SCN8A: variants seen among roughly 807,000 people sequenced by gnomAD.
SCN8A encodes the protein sodium channel protein type 8 subunit alpha.
Under a neutral mutation model 184.1 loss-of-function variants are expected in SCN8A, and 30 were observed. The ratio of observed to expected loss-of-function variants is 0.16; its 90% CI spans 0.12 to 0.22. The LOEUF is 0.22. Among genes scored for constraint, SCN8A ranks in the 10% least tolerant of loss-of-function variants. SCN8A has a pLI of 1.00. For synonymous variants in SCN8A, 852 were observed against 907.0 expected (o/e 0.94, Z 1.09); for missense variants, 1,057 against 2,498.9 (o/e 0.42, Z 12.30).
At chr12:51,655,157 C>A (rs991167949) in intron 1 of SCN8A, among the ~76,000 whole-genome samples, 1 of 152,138 alleles carries the variant, frequency 6.6e-6, no homozygotes, top group Admixed American at 6.5e-5. Context: ...GCTCAGCCCC[C>A]CATAGTGCTG....
intron 1 of SCN8A, among the ~76,000 whole-genome samples, chr12:51,647,109 T>C (rs1940608093): frequency 2.0e-5 from 3 of 152,136 alleles, no homozygotes; most frequent in Admixed American, 2.0e-4. Context: ...CTTGGGAGGC[T>C]GAGGCAGGAG....
intron 26 of SCN8A, among the ~76,000 whole-genome samples, chr12:51,802,476 C>A (rs1488831852): frequency 1.3e-5 from 2 of 152,160 alleles, no homozygotes; most frequent in Non-Finnish European, 2.9e-5. Flanking sequence ...CAATAGATAC[C>A]TAGGGAGGCT....
intron 12 of SCN8A, among the ~76,000 whole-genome samples, chr12:51,723,349 G>A (rs1942099743): frequency 1.3e-5 from 2 of 152,144 alleles, no homozygotes; most frequent in South Asian, 4.1e-4. Context: ...CATTAGCCAG[G>A]CATGGTGGCA....
intron 1 of SCN8A, among the ~76,000 whole-genome samples, chr12:51,593,207 G>C (rs1939269948): frequency 1.3e-5 from 2 of 152,262 alleles, no homozygotes; most frequent in East Asian, 1.9e-4. Flanking sequence ...GTGATCCTTT[G>C]GTGTTCAGCA....
rs1938843276 is a variant in SCN8A at position 51,810,159 on chromosome 12, G to A, written c.*2730G>A. On this transcript the variant is annotated 3_prime_UTR_variant, in exon 27 of 27. Transcript: ENST00000627620. ...GCTCCTGACCCCAGCCCAGCAGGCT[G>A]TCTCCTCAGTAACACATGGGCCTTG... 9.7e-6 allele frequency: 2 copies of A among 206,494 alleles called. No individual in the cohort carries two copies. Among genetic ancestry groups the A allele is most frequent in the South Asian group, 1.2e-4 (2 of 16,740 alleles). The allele number at this position is 206,494 out of a possible 1,614,324, so 12.8% of individuals were successfully genotyped here.
At chr12:51,729,824 A>G (rs1942212603) in intron 12 of SCN8A, among the ~76,000 whole-genome samples, 1 of 152,098 alleles carries the variant, frequency 6.6e-6, no homozygotes, top group Non-Finnish European at 1.5e-5. Context: ...TCCTAGCCAA[A>G]CTTGCTGTTG....
chr12:51,636,238 C>T lies in SCN8A; in HGVS notation c.-54-26526C>T, dbSNP rs191875355. 5.9e-5 allele frequency among the ~76,000 whole-genome samples: 9 copies of T among 152,246 alleles called. No individual in the cohort carries two copies. The South Asian group carries it at 8.3e-4, about 14-fold the overall frequency. ...GTCTTGATCTCCTGACCTCGTGATC[C>T]GCCTGCCTCGGCCTCCCAAAGTGCT... On this transcript the variant is annotated intron_variant, in intron 1 of 26. Transcript: ENST00000627620.
intron 1 of SCN8A, among the ~76,000 whole-genome samples, chr12:51,609,734 A>G (rs935544563): frequency 1.3e-5 from 2 of 150,780 alleles, no homozygotes; most frequent in Non-Finnish European, 3.0e-5. Context: ...TACTAAAAAT[A>G]CAAAAATACT....
At position 51,705,431 on chromosome 12, in the gene SCN8A, C is replaced by G; in HGVS notation, c.1149C>G (p.Ala383=). 3 of 1,613,786 alleles carry G rather than the reference C, an allele frequency of 1.9e-6. No homozygotes were observed. The highest frequency in any genetic ancestry group is 2.5e-6 in the Non-Finnish European group (3 of 1,179,800). ...ENLYQLTLRA[A]GKTYMIFFVL... is the part of the protein sequence containing the mutation. ...TGTCTTTGCAGACTTTACGAGCAGC[C>G]GGGAAAACATACATGATCTTCTTCG... Residue 383 remains alanine (A), a synonymous_variant, in exon 10 of 27, where the codon GCC becomes GCG. Transcript: ENST00000627620.
chr12:51,778,717 G>A (rs1214493246), intron 20 of SCN8A, among the ~76,000 whole-genome samples: 1 of 152,020 alleles, frequency 6.6e-6, no homozygotes. Context: ...CAGGATCAAA[G>A]AATTAAAGCC....
At chr12:51,594,800 T>C (rs982140730) in intron 1 of SCN8A, among the ~76,000 whole-genome samples, 8 of 152,180 alleles carry the variant, frequency 5.3e-5, no homozygotes, top group Non-Finnish European at 1.0e-4. Flanking sequence ...TCTTTTTTTT[T>C]CCCATAGAGA....
Position 51,705,374 on chromosome 12 carries a change from C to A in SCN8A, c.1135-43C>A, listed in dbSNP as rs181290446. The A allele has an allele frequency of 1.4e-4, 223 of 1,596,434 alleles. No homozygotes were observed. The African/African-American group carries it at 2.5e-3, about 18-fold the overall frequency. ...CCCATTAGCTGTTTTCAGCCCGGTT[C>A]ATTTGGTACAAGTGACTCAGAAAAT... On this transcript the variant is annotated intron_variant, in intron 9 of 26. Coordinates refer to ENST00000627620, the MANE Select transcript of SCN8A (RefSeq NM_001330260.2).
chr12:51,721,894 C>A lies in SCN8A; in HGVS notation c.1984C>A (p.Arg662Ser). 6.2e-7 allele frequency: 1 copy of A among 1,600,020 alleles called. No homozygotes were observed. The highest frequency in any genetic ancestry group is 8.5e-7 in the Non-Finnish European group (1 of 1,179,706). The part of the protein sequence containing the change: ...IGGPGSHIGG[R>S]LLPEATTEVE... ...CGGCCCCGGCTCCCACATCGGCGGGCGTCTCCTGCCAGAGGTGAAAATTGA... is the reference window on the plus strand; with the variant it reads ...CGGCCCCGGCTCCCACATCGGCGGGAGTCTCCTGCCAGAGGTGAAAATTGA... Residue 662 changes from arginine (R) to serine (S), a missense_variant, in exon 12 of 27, where the codon CGT (arginine) becomes AGT (serine). Arg to Ser is a moderately radical substitution (Grantham distance 110). Transcript: ENST00000627620.
At chr12:51,725,522 T>C (rs1249753943) in intron 12 of SCN8A, among the ~76,000 whole-genome samples, 2 of 152,220 alleles carry the variant, frequency 1.3e-5, no homozygotes, top group African/African-American at 4.8e-5. Context: ...CATTATCTCA[T>C]TTTATTCTTA....
intron 20 of SCN8A, among the ~76,000 whole-genome samples, chr12:51,777,469 T>G (rs539121777): frequency 4.0e-5 from 6 of 151,790 alleles, no homozygotes; most frequent in Non-Finnish European, 7.4e-5. Flanking sequence ...TTTTTTGTTG[T>G]TTGTTTGTTT....
chr12:51,796,132 A>T (rs1436112632), intron 26 of SCN8A, among the ~76,000 whole-genome samples: 1 of 152,220 alleles, frequency 6.6e-6, no homozygotes, highest in Admixed American at 6.5e-5. Flanking sequence ...ATGATAGCTC[A>T]CATTTAAATG....
At chr12:51,687,881 G>A (rs1469017031) in intron 5 of SCN8A, among the ~76,000 whole-genome samples, 1 of 152,196 alleles carries the variant, frequency 6.6e-6, no homozygotes, top group Non-Finnish European at 1.5e-5. Flanking sequence ...TTTATTTCCA[G>A]GTTGGGAAAG....
rs756339734 is a variant in SCN8A at position 51,745,921 on chromosome 12, A to G, written c.2017A>G (p.Ile673Val). The G allele has an allele frequency of 1.3e-6, 2 of 1,589,902 alleles. No homozygotes were observed. Among genetic ancestry groups the G allele is most frequent in the Non-Finnish European group, 1.7e-6 (2 of 1,172,358 alleles). Reference protein sequence around the residue: ...LLPEATTEVEIKKKGPGSLLV... With the variant: ...LLPEATTEVEVKKKGPGSLLV... ...TTTAAAGGCTACAACTGAGGTGGAA[A>G]TTAAGAAGAAAGGCCCTGGATCTCT... Residue 673 changes from isoleucine to valine, a missense_variant, in exon 13 of 27, where the codon ATT becomes GTT. Physicochemically the swap from Ile to Val is conservative, Grantham distance 29 (BLOSUM62 3). Around this residue, in one of 19 missense-constraint regions of SCN8A, gnomAD observed 322 missense variants for 390.1 expected, o/e 0.83. Transcript: ENST00000627620.
At chr12:51,729,233 TAAAAA>T (rs1163195111) in intron 12 of SCN8A, among the ~76,000 whole-genome samples, 1 of 152,092 alleles carries the variant, frequency 6.6e-6, no homozygotes, top group Non-Finnish European at 1.5e-5. Flanking sequence ...AAGTTGTGGG[TAAAAA>T]GGAGGTGGAG....
Sources: allele counts gnomAD v4.1 joint callset (sites outside exome capture counted in the v4.1 genomes callset), GRCh38; gene constraint gnomAD v4.1.1; regional missense constraint gnomAD v4.1.1; transcripts MANE v1.5; gene names NCBI Gene and HGNC (gene_info 2026-07-23, HGNC 2026-07-21).